CNTNAP2: variants seen among roughly 807,000 people sequenced by gnomAD.
CNTNAP2 encodes the protein contactin-associated protein-like 2.
In CNTNAP2, 98 loss-of-function variants were observed where a neutral mutation model predicts 155.2. The observed-to-expected ratio is 0.63, with a 90% CI of 0.54 to 0.75. The LOEUF is 0.75. Among genes scored for constraint, CNTNAP2 ranks in the 30% least tolerant of loss-of-function variants. CNTNAP2 has a pLI of 0.00. For missense variants in CNTNAP2, 1,727 were observed against 1,688.1 expected (o/e 1.02, Z -0.40); for synonymous variants, 651 against 631.2 (o/e 1.03, Z -0.47).
chr7:146,815,395 A>G (rs758630781), intron 2 of CNTNAP2, among the ~76,000 whole-genome samples: 5 of 152,160 alleles, frequency 3.3e-5, no homozygotes, highest in Admixed American at 6.6e-5. Context: ...CGTAATGATT[A>G]TATTTTATTT....
chr7:147,097,647 G>T (rs1050975944), intron 4 of CNTNAP2: 1 of 152,160 alleles, frequency 6.6e-6, no homozygotes, highest in Non-Finnish European at 1.5e-5. Flanking sequence ...CCCACAACAC[G>T]TGGGAATTAT....
chr7:147,457,830 T>C (rs1240030704), intron 10 of CNTNAP2, among the ~76,000 whole-genome samples: 1 of 86,746 alleles, frequency 1.2e-5, no homozygotes, highest in Non-Finnish European at 2.2e-5. Context: ...TAGTTTATTT[T>C]CAATGAATCA....
chr7:148,172,915 A>AAG (rs1562983527), intron 18 of CNTNAP2, among the ~76,000 whole-genome samples: 1 of 152,104 alleles, frequency 6.6e-6, no homozygotes, highest in Non-Finnish European at 1.5e-5. Flanking sequence ...TGCAGTTGCT[A>AAG]AGAGACTGGA....
At chr7:147,670,288 G>A (rs1436263454) in intron 13 of CNTNAP2, among the ~76,000 whole-genome samples, 2 of 152,124 alleles carry the variant, frequency 1.3e-5, no homozygotes, top group African/African-American at 2.4e-5. Context: ...CCTGAGGTCC[G>A]TGTTCCAATT....
intron 4 of CNTNAP2, among the ~76,000 whole-genome samples, chr7:147,064,211 A>G (rs1799737177): frequency 7.2e-6 from 1 of 139,142 alleles, no homozygotes; most frequent in African/African-American, 3.0e-5. Flanking sequence ...GAGAGTTCCT[A>G]GAAATAGTGT....
chr7:147,886,475 CAAAAAA>C (rs532837902), intron 13 of CNTNAP2, among the ~76,000 whole-genome samples: 1 of 39,738 alleles, frequency 2.5e-5, no homozygotes. Context: ...AACTCCATCT[CAAAAAA>C]AAAAAAAAAA....
Position 148,095,936 on chromosome 7 carries a change from G to A in CNTNAP2, c.2384-22182G>A, listed in dbSNP as rs1456036994. On this transcript the variant is annotated intron_variant, in intron 15 of 23. Coordinates refer to ENST00000361727, the MANE Select transcript of CNTNAP2 (RefSeq NM_014141.6). ...CTAGAGCAGGAGAAAAGTTTCCCAT[G>A]TATTTTCTTCAAAGAAAAAGATGTT... Among the ~76,000 whole-genome samples, 6 of 152,246 alleles carry A rather than the reference G, an allele frequency of 3.9e-5. No homozygotes were observed. In the East Asian group the frequency reaches 1.2e-3, roughly 29 times the overall value.
chr7:148,173,577 G>A (rs1794870878), intron 18 of CNTNAP2, among the ~76,000 whole-genome samples: 1 of 152,196 alleles, frequency 6.6e-6, no homozygotes, highest in Admixed American at 6.5e-5. Context: ...AGGCCAGACA[G>A]GGTATGAAAA....
chr7:146,745,831 A>T (rs1585070693), intron 1 of CNTNAP2, among the ~76,000 whole-genome samples: 1 of 151,750 alleles, frequency 6.6e-6, no homozygotes, highest in East Asian at 1.9e-4. Context: ...GTTTCCCTTC[A>T]CAAAAGAAGA....
Position 147,562,342 on chromosome 7 carries a change from TG to T in CNTNAP2, c.1897+86del, listed in dbSNP as rs1800080234. The T allele has an allele frequency of 3.8e-6, 6 of 1,570,940 alleles. No homozygotes were observed. The Admixed American group carries it at 1.0e-4, about 26-fold the overall frequency. On this transcript the variant is annotated intron_variant, in intron 12 of 23. Coordinates refer to ENST00000361727, the MANE Select transcript of CNTNAP2 (RefSeq NM_014141.6). ...TTCCACCAATGGTTTGTTTCTTTGG[TG>T]CTATGTTTTTATCACAACATCTAAT...
At chr7:147,665,991 G>C (rs1584887785) in intron 13 of CNTNAP2, among the ~76,000 whole-genome samples, 1 of 152,124 alleles carries the variant, frequency 6.6e-6, no homozygotes, top group Non-Finnish European at 1.5e-5. Context: ...ACTTAATAGT[G>C]TATCTATATC....
At chr7:146,930,284 C>T (rs1201280812) in intron 3 of CNTNAP2, among the ~76,000 whole-genome samples, 3 of 152,152 alleles carry the variant, frequency 2.0e-5, no homozygotes, top group Non-Finnish European at 4.4e-5. Context: ...GGCCAATATG[C>T]AACATTCATA....
chr7:147,915,568 A>G (rs941915428), intron 14 of CNTNAP2, among the ~76,000 whole-genome samples: 20 of 152,258 alleles, frequency 1.3e-4, no homozygotes, highest in African/African-American at 4.8e-4. Flanking sequence ...GTGTGTGTGT[A>G]TAAAATAAAA....
intron 3 of CNTNAP2, among the ~76,000 whole-genome samples, chr7:146,868,543 T>C (rs1385335053): frequency 6.6e-6 from 1 of 152,184 alleles, no homozygotes; most frequent in African/African-American, 2.4e-5. Flanking sequence ...TTTTTTCTGG[T>C]TCTGTGAATA....
chr7:147,686,104 A>C (rs1292193095), intron 13 of CNTNAP2, among the ~76,000 whole-genome samples: 10 of 152,084 alleles, frequency 6.6e-5, no homozygotes, highest in Non-Finnish European at 1.5e-4. Flanking sequence ...ACAAGGAAGC[A>C]GAGGTGCCAC....
At chr7:147,879,597 A>C (rs1373152254) in intron 13 of CNTNAP2, among the ~76,000 whole-genome samples, 1 of 152,066 alleles carries the variant, frequency 6.6e-6, no homozygotes, top group Non-Finnish European at 1.5e-5. Context: ...TGTCATGTTT[A>C]CCTCTCTGGA....
chr7:147,616,569 T>C (rs1801297547), intron 12 of CNTNAP2, among the ~76,000 whole-genome samples: 1 of 152,202 alleles, frequency 6.6e-6, no homozygotes, highest in African/African-American at 2.4e-5. Context: ...TCATCTTAGA[T>C]TACTCTTCCC....
intron 9 of CNTNAP2, among the ~76,000 whole-genome samples, chr7:147,360,958 C>T (rs1015831801): frequency 6.6e-6 from 1 of 152,124 alleles, no homozygotes; most frequent in Admixed American, 6.6e-5. Context: ...GGATTTTCAA[C>T]TGAAGGTCAT....
intron 11 of CNTNAP2, among the ~76,000 whole-genome samples, chr7:147,487,421 G>A (rs1388149644): frequency 2.0e-5 from 3 of 152,132 alleles, no homozygotes; most frequent in Non-Finnish European, 1.5e-5. Flanking sequence ...TTAACCTCCA[G>A]TATGTGACAT....
Sources: gnomAD v4.1 joint callset for allele counts (sites outside exome capture counted in the v4.1 genomes callset) on GRCh38, gnomAD v4.1.1 for gene constraint, MANE v1.5 for transcripts, NCBI Gene and HGNC (gene_info 2026-07-23, HGNC 2026-07-21) for gene names.